The following NXNL2 variants were observed in gnomAD, a reference collection of about 807,000 sequenced individuals.
NXNL2 encodes nucleoredoxin like 2.
A neutral mutation model predicts 11.1 loss-of-function variants in NXNL2; 7 were observed. That is an observed-to-expected ratio of 0.63 (90% CI 0.36 to 1.18). The LOEUF is 1.18. NXNL2 is among the 50% of genes most tolerant of loss of function. NXNL2 has a pLI of 0.02. For missense variants in NXNL2, 233 were observed against 217.7 expected (o/e 1.07, Z -0.44); for synonymous variants, 109 against 101.8 (o/e 1.07, Z -0.42).
At chr9:88,573,385 C>A (rs1415192537) in intron 2 of NXNL2, among the ~76,000 whole-genome samples, 3 of 152,174 alleles carry the variant, frequency 2.0e-5, no homozygotes, top group African/African-American at 7.2e-5. Flanking sequence ...CTCAAGTGAT[C>A]CCCCTGCCTC....
At chr9:88,553,484 T>C (rs1829970450) in intron 1 of NXNL2, among the ~76,000 whole-genome samples, 1 of 152,198 alleles carries the variant, frequency 6.6e-6, no homozygotes, top group African/African-American at 2.4e-5. Flanking sequence ...TCTCCTTGTC[T>C]CTGAACTCCT....
chr9:88,548,111 G>C (rs1006893356), downstream of NXNL2, among the ~76,000 whole-genome samples: 49 of 150,526 alleles, frequency 3.3e-4, no homozygotes, highest in African/African-American at 1.2e-3. Flanking sequence ...GGCCGAGGTG[G>C]GTGGATTGCC....
rs1207968554 is a variant in NXNL2, at chr9:88,564,662, C to T, written c.303-6425C>T. Among the ~76,000 whole-genome samples, 6 of 152,118 alleles carry T rather than the reference C, an allele frequency of 3.9e-5. No individual in the cohort carries two copies. In the East Asian group the frequency reaches 5.8e-4, roughly 15 times the overall value. On this transcript the variant is annotated intron_variant, in intron 1 of 2. Coordinates refer to the NXNL2 transcript ENST00000375855. ...AACTCCCGACCTCAGGTGATCCACTCGCCTCGGCCTCCCAAAGTGCTGGGA... is the reference window on the plus strand; with the variant it reads ...AACTCCCGACCTCAGGTGATCCACTTGCCTCGGCCTCCCAAAGTGCTGGGA...
At chr9:88,547,965 G>A (rs547497069), downstream of NXNL2, among the ~76,000 whole-genome samples, 26 of 150,750 alleles carry the variant, frequency 1.7e-4, no homozygotes, top group African/African-American at 5.9e-4. Flanking sequence ...GCAGTGAGCC[G>A]AGATCATACC....
rs1042916049 is a variant in NXNL2 at position 88,544,787 on chromosome 9, C to T, written c.*240C>T. On this transcript the variant is annotated 3_prime_UTR_variant, in exon 2 of 2. Transcript: ENST00000375854. ...GTTATTCTTTGCATACCTTTATCCA[C>T]CTGTGCTTAAGGAAGGATCCTCATA... The T allele has an allele frequency of 8.1e-6, 10 of 1,234,758 alleles. No homozygotes were observed. The African/African-American group carries it at 9.4e-5, about 12-fold the overall frequency. 76.5% of individuals were successfully genotyped at this position (1,234,758 alleles called of 1,614,324 possible). A position where few individuals can be genotyped will look rare whatever the true frequency, so the allele number is the denominator to read the frequency against.
Position 88,535,687 on chromosome 9 carries a change from G to T in NXNL2, c.253G>T (p.Glu85Ter), listed in dbSNP as rs1297897413. The T allele has an allele frequency of 6.2e-7, 1 of 1,602,518 alleles. No individual in the cohort carries two copies. Residue 85 changes from glutamate to a stop codon, truncating the protein, a stop_gained, in exon 1 of 2, where the codon GAG becomes TAG. Transcript: ENST00000375854. LOFTEE classifies it high-confidence loss of function. ...CCAGGAGATGCTGGACTTCATGCGC[G>T]AGCTGCATGGCGCCTGGCTGGCGCT... ...SSQEMLDFMRELHGAWLALPF... is the reference protein window; with the variant it reads ...SSQEMLDFMR
intron 1 of NXNL2, among the ~76,000 whole-genome samples, chr9:88,541,435 T>G (rs1442059288): frequency 6.6e-6 from 1 of 151,976 alleles, no homozygotes; most frequent in Non-Finnish European, 1.5e-5. Context: ...TAATTTTTTT[T>G]TATTTTGTGG....
chr9:88,566,524 A>G (rs1021849736), intron 1 of NXNL2, among the ~76,000 whole-genome samples: 1 of 152,064 alleles, frequency 6.6e-6, no homozygotes, highest in African/African-American at 2.4e-5. Flanking sequence ...GCTGGTCTCA[A>G]ACTCCTGACC....
chr9:88,561,372 C>A (rs922064489), intron 1 of NXNL2, among the ~76,000 whole-genome samples: 1 of 146,246 alleles, frequency 6.8e-6, no homozygotes, highest in African/African-American at 2.8e-5. Flanking sequence ...ATTGTGTAAT[C>A]TTGTGATTGT....
chr9:88,558,367 C>T (rs1830045384), intron 1 of NXNL2, among the ~76,000 whole-genome samples: 1 of 152,052 alleles, frequency 6.6e-6, no homozygotes. Flanking sequence ...AGCTCCATAC[C>T]CCTTCTCTCA....
downstream of NXNL2, among the ~76,000 whole-genome samples, chr9:88,549,966 A>G (rs546053055): frequency 6.6e-6 from 1 of 152,284 alleles, no homozygotes; most frequent in South Asian, 2.1e-4. Context: ...CTGCGATTAC[A>G]GGCATGGGCC....
chr9:88,542,181 C>T (rs1338938464), intron 1 of NXNL2, among the ~76,000 whole-genome samples: 11 of 151,312 alleles, frequency 7.3e-5, no homozygotes, highest in African/African-American at 2.4e-5. Flanking sequence ...TGCAGTAAGC[C>T]GAGATTGCGT....
intron 1 of NXNL2, among the ~76,000 whole-genome samples, chr9:88,554,421 T>G (rs1044385992): frequency 6.6e-6 from 1 of 152,164 alleles, no homozygotes; most frequent in Admixed American, 6.6e-5. Flanking sequence ...GCCAGGCTGG[T>G]CTCAAACTCC....
chr9:88,558,387 C>G lies in NXNL2; in HGVS notation c.303-12700C>G, dbSNP rs528761044. ...CATACCCCTTCTCTCATATGCATCT[C>G]CCTAAGCATCTCTTCATCCTCAGAC... is the stretch of plus-strand genomic sequence containing the variant. On this transcript the variant is annotated intron_variant, in intron 1 of 2. Transcript: ENST00000375855. Among the ~76,000 whole-genome samples the G allele has an allele frequency of 5.3e-5, 8 of 152,260 alleles. No homozygotes were observed. In the South Asian group the frequency reaches 1.5e-3, roughly 28 times the overall value.
intron 1 of NXNL2, among the ~76,000 whole-genome samples, chr9:88,543,294 A>T (rs1829796493): frequency 6.6e-6 from 1 of 151,414 alleles, no homozygotes; most frequent in Admixed American, 6.6e-5. Context: ...TTCCTTAGAA[A>T]TGGGGTCTGC....
At chr9:88,575,299 A>G (rs1235663303) in exon 3 of NXNL2, 1 of 286,560 alleles carries the variant, frequency 3.5e-6, no homozygotes, top group Non-Finnish European at 5.2e-6. Context: ...AGGTATCTGC[A>G]CCCCCATGTT....
chr9:88,535,826 A>C (rs1280289113), intron 1 of NXNL2, 90 bp downstream of exon 1: 5 of 1,000,056 alleles, frequency 5.0e-6, no homozygotes, highest in African/African-American at 3.6e-5. Flanking sequence ...GGAGCTCTTT[A>C]TGACGCCCCC....
In NXNL2 at chr9:88,544,627, T is replaced by C. The variant is rs1309608823; in HGVS notation, c.*80T>C. On this transcript the variant is annotated 3_prime_UTR_variant, in exon 2 of 2. Coordinates refer to ENST00000375854, the MANE Select transcript of NXNL2 (RefSeq NM_001161625.2). ...TGGGGCAAAGAGGAGCATGTTGGGT[T>C]CCTTCCTCTGTTGGTGTGATTTCAT... The C allele has an allele frequency of 6.9e-7, 1 of 1,447,678 alleles. No homozygotes were observed. Among genetic ancestry groups the C allele is most frequent in the Non-Finnish European group, 9.1e-7 (1 of 1,097,722 alleles). The allele number at this position is 1,447,678 out of a possible 1,614,324, so 89.7% of individuals were successfully genotyped here. A position where few individuals can be genotyped will look rare whatever the true frequency, so the allele number is the denominator to read the frequency against.
At chr9:88,552,900 C>G (rs1219485870) in intron 1 of NXNL2, among the ~76,000 whole-genome samples, 1 of 152,136 alleles carries the variant, frequency 6.6e-6, no homozygotes, top group Admixed American at 6.6e-5. Context: ...TGAATCTGAC[C>G]ACTTTACACC....
Sources: allele counts gnomAD v4.1 joint callset (sites outside exome capture counted in the v4.1 genomes callset), GRCh38; gene constraint gnomAD v4.1.1; transcripts MANE v1.5; gene names NCBI Gene and HGNC (gene_info 2026-07-23, HGNC 2026-07-21).